The following NTN1 variants were observed in gnomAD, a reference collection of about 807,000 sequenced individuals.
NTN1 encodes the protein netrin-1.
NTN1 carries 11 observed loss-of-function variants against 54.2 expected under a neutral mutation model. That is an observed-to-expected ratio of 0.20 (90% CI 0.13 to 0.34). NTN1 has a LOEUF of 0.34. Ranked by LOEUF, NTN1 falls within the 10% of genes least tolerant of loss-of-function variation. The pLI, the probability that NTN1 is intolerant of heterozygous loss-of-function variation, is 1.00. For missense variants in NTN1, 740 were observed against 893.1 expected (o/e 0.83, Z 2.18); for synonymous variants, 371 against 382.0 (o/e 0.97, Z 0.33).
At chr17:9,174,136 A>T (rs1458073470) in intron 3 of NTN1, 1 of 152,220 alleles carries the variant, frequency 6.6e-6, no homozygotes, top group Non-Finnish European at 1.5e-5. Context: ...GAGCTGTGAG[A>T]CCTGTTGGGA....
At position 9,111,088 on chromosome 17, in the gene NTN1, C is replaced by T. The variant is rs556699590; in HGVS notation, c.1019-51725C>T. 5.8e-4 allele frequency among the ~76,000 whole-genome samples: 88 copies of T among 152,186 alleles called. 4 individuals are homozygous for T. The South Asian group carries it at 0.018, about 31-fold the overall frequency. On this transcript the variant is annotated intron_variant, in intron 2 of 6. Coordinates refer to ENST00000173229, the MANE Select transcript of NTN1 (RefSeq NM_004822.3). ...TAGCTGGGAGGATTACCGGCACACG[C>T]CACCACGCCTGGCTAATTTTTGTAT...
At chr17:9,216,490 C>T (rs1905218987) in intron 5 of NTN1, among the ~76,000 whole-genome samples, 1 of 152,090 alleles carries the variant, frequency 6.6e-6, no homozygotes, top group Admixed American at 6.5e-5. Context: ...GTTGTGACAG[C>T]AACTTTATGG....
intron 2 of NTN1, among the ~76,000 whole-genome samples, chr17:9,159,391 G>C (rs2092351445): frequency 6.6e-6 from 1 of 152,184 alleles, no homozygotes; most frequent in Admixed American, 6.5e-5. Flanking sequence ...GATACCAAAT[G>C]CATATTATTA....
intron 6 of NTN1, among the ~76,000 whole-genome samples, chr17:9,231,165 A>G: frequency 6.6e-6 from 1 of 152,020 alleles, no homozygotes; most frequent in South Asian, 2.1e-4. Flanking sequence ...TGCCTTTGGC[A>G]CTGAGGACCT....
At position 9,120,399 on chromosome 17, in the gene NTN1, G is replaced by A. The variant is rs77119543; in HGVS notation, c.1019-42414G>A. Among the ~76,000 whole-genome samples, 663 of 152,188 alleles carry A rather than the reference G, an allele frequency of 4.4e-3. 11 individuals carry two copies. Among genetic ancestry groups the A allele is most frequent in the East Asian group, 0.022 (115 of 5,176 alleles). ...GGCACATTGGGCTTCTCTCCCCCAC[G>A]TTAAGGATTTTGGGGGCCCTGCATA... On this transcript the variant is annotated intron_variant, in intron 2 of 6. Transcript: ENST00000173229.
the NTN1 span, among the ~76,000 whole-genome samples, chr17:9,008,830 C>T: frequency 1.1e-4 from 17 of 152,136 alleles, no homozygotes; most frequent in African/African-American, 4.1e-4. Flanking sequence ...GAGATGTTAA[C>T]GGAGGGGACT....
chr17:9,129,061 A>G (rs1241527916), intron 2 of NTN1, among the ~76,000 whole-genome samples: 2 of 152,154 alleles, frequency 1.3e-5, no homozygotes, highest in Non-Finnish European at 2.9e-5. Flanking sequence ...TCTCCGCGGT[A>G]ACACTATCCA....
intron 6 of NTN1, among the ~76,000 whole-genome samples, chr17:9,232,853 G>A (rs548323025): frequency 6.6e-5 from 10 of 152,260 alleles, no homozygotes; most frequent in South Asian, 2.1e-4. Context: ...TCCTCCCTTC[G>A]CAGGGCCTGG....
At chr17:9,222,588 A>AG (rs1491239371) in intron 6 of NTN1, among the ~76,000 whole-genome samples, 1 of 152,170 alleles carries the variant, frequency 6.6e-6, no homozygotes, top group Non-Finnish European at 1.5e-5. Flanking sequence ...TGGTGAGGAA[A>AG]GAGGAGGAGG....
At chr17:9,114,467 A>G (rs1455938361) in intron 2 of NTN1, among the ~76,000 whole-genome samples, 1 of 151,656 alleles carries the variant, frequency 6.6e-6, no homozygotes, top group Non-Finnish European at 1.5e-5. Flanking sequence ...AAAGATAAAC[A>G]TGGAGGCCGG....
chr17:9,092,504 G>A (rs1393007499), intron 2 of NTN1, among the ~76,000 whole-genome samples: 2 of 151,826 alleles, frequency 1.3e-5, no homozygotes, highest in African/African-American at 4.8e-5. Flanking sequence ...TGGCCAGGCT[G>A]GTCTCAAGCT....
intron 2 of NTN1, among the ~76,000 whole-genome samples, chr17:9,153,385 C>G (rs1379357571): frequency 6.6e-6 from 1 of 152,096 alleles, no homozygotes; most frequent in Non-Finnish European, 1.5e-5. Flanking sequence ...GGAGGCAGAG[C>G]TTGCGGTGAG....
chr17:9,005,313 A>T, the NTN1 span, among the ~76,000 whole-genome samples: 13 of 152,174 alleles, frequency 8.5e-5, no homozygotes, highest in African/African-American at 3.1e-4. Flanking sequence ...TGAGGCCTAA[A>T]GTGACTTGCA....
chr17:9,192,910 G>A (rs1030948429), intron 5 of NTN1, among the ~76,000 whole-genome samples: 2 of 151,834 alleles, frequency 1.3e-5, no homozygotes, highest in Non-Finnish European at 2.9e-5. Context: ...GTGAAACCCC[G>A]TCTCTACTAA....
chr17:9,114,151 AAG>A (rs1295386535), intron 2 of NTN1, among the ~76,000 whole-genome samples: 9,479 of 91,916 alleles, frequency 0.1, 764 homozygotes, highest in East Asian at 0.16. Flanking sequence ...GCCAAAAAAA[AAG>A]AAAAAAAAAA....
chr17:9,110,688 A>T (rs1409301208), intron 2 of NTN1, among the ~76,000 whole-genome samples: 7 of 152,210 alleles, frequency 4.6e-5, no homozygotes, highest in Non-Finnish European at 8.8e-5. Context: ...TCAGGAGGCC[A>T]GAAGTCCACA....
intron 2 of NTN1, among the ~76,000 whole-genome samples, chr17:9,115,755 G>A (rs566798450): frequency 7.2e-5 from 11 of 152,356 alleles, no homozygotes; most frequent in Middle Eastern, 3.4e-3. Flanking sequence ...GGGCCGTGGC[G>A]GAGTCTCTGG....
At chr17:9,147,526 T>C (rs1266316221) in intron 2 of NTN1, among the ~76,000 whole-genome samples, 1 of 152,074 alleles carries the variant, frequency 6.6e-6, no homozygotes, top group Non-Finnish European at 1.5e-5. Context: ...AAAAGAATAT[T>C]AGCAAGGCCA....
intron 2 of NTN1, among the ~76,000 whole-genome samples, chr17:9,035,833 C>T (rs1456933886): frequency 1.3e-5 from 2 of 152,130 alleles, no homozygotes; most frequent in African/African-American, 4.8e-5. Flanking sequence ...ACCAGCCTGG[C>T]CAACATATTG....
Sources: allele counts gnomAD v4.1 joint callset (sites outside exome capture counted in the v4.1 genomes callset), GRCh38; gene constraint gnomAD v4.1.1; transcripts MANE v1.5; gene names NCBI Gene and HGNC (gene_info 2026-07-23, HGNC 2026-07-21).